FGF12: variants seen among roughly 807,000 people sequenced by gnomAD.
The protein encoded by FGF12 is fibroblast growth factor 12.
Under a neutral mutation model 23.6 loss-of-function variants are expected in FGF12, and 14 were observed. The ratio of observed to expected loss-of-function variants is 0.59; its 90% CI spans 0.39 to 0.93. FGF12 has a LOEUF of 0.93. Among genes scored for constraint, FGF12 ranks in the 40% least tolerant of loss-of-function variants. FGF12 has a pLI of 0.00. For synonymous variants in FGF12, 62 were observed against 77.3 expected (o/e 0.80, Z 1.04); for missense variants, 175 against 217.8 (o/e 0.80, Z 1.24).
At chr3:192,400,461 C>G (rs1246613198) in intron 2 of FGF12, among the ~76,000 whole-genome samples, 2 of 151,340 alleles carry the variant, frequency 1.3e-5, no homozygotes, top group Non-Finnish European at 2.9e-5. Flanking sequence ...TTCCGCCTCC[C>G]GGGTTCAAAT....
At chr3:192,727,434 C>A in intron 1 of FGF12, 50 bp downstream of exon 1, 1 of 1,099,872 alleles carries the variant, frequency 9.1e-7, no homozygotes, top group Non-Finnish European at 1.3e-6. Context: ...GCATCTGATA[C>A]TGAAATGCAT....
At chr3:192,278,236 A>G (rs1234378982) in intron 4 of FGF12, among the ~76,000 whole-genome samples, 2 of 152,238 alleles carry the variant, frequency 1.3e-5, no homozygotes, top group African/African-American at 2.4e-5. Flanking sequence ...GAACTCTAAA[A>G]TTTTATTCCA....
Position 192,360,465 on chromosome 3 carries a change from A to C in FGF12, c.87T>G (p.Gly29=). The C allele has an allele frequency of 6.2e-7, 1 of 1,613,790 alleles. No homozygotes were observed. Among genetic ancestry groups the C allele is most frequent in the Non-Finnish European group, 8.5e-7 (1 of 1,179,714 alleles). Residue 29 remains glycine (G), a synonymous_variant, in exon 3 of 6, where the codon GGT becomes GGG. Coordinates refer to ENST00000445105, the MANE Select transcript of FGF12 (RefSeq NM_004113.6). The surrounding 1 kb of genome is among the most constrained non-coding windows in gnomAD (Gnocchi z 4.3). ...TTTCGTCCTTGGTCCCATCAATGGT[A>C]CCATCTGGGTGCATCTGCAGGAAGT... The part of the protein sequence containing the change: ...QGYFLQMHPD[G]TIDGTKDENS...
At position 192,335,343 on chromosome 3, in the gene FGF12, A is replaced by T. The variant is rs757837414; in HGVS notation, c.228+18T>A. 1 of 1,520,776 alleles carries T rather than the reference A, an allele frequency of 6.6e-7. No individual in the cohort carries two copies. The highest frequency in any genetic ancestry group is 9.1e-7 in the Non-Finnish European group (1 of 1,095,528). The allele number at this position is 1,520,776 out of a possible 1,614,324, so 94.2% of individuals were successfully genotyped here. A position where few individuals can be genotyped will look rare whatever the true frequency, so the allele number is the denominator to read the frequency against. On this transcript the variant is annotated intron_variant, in intron 4 of 5. Transcript: ENST00000445105. ...AGTTCACACACATACACACAAATAC[A>T]CACTACAATGTACTTACTGAACTGT...
chr3:192,203,883 C>T (rs192945676), intron 4 of FGF12, among the ~76,000 whole-genome samples: 205 of 152,198 alleles, frequency 1.3e-3, no homozygotes, highest in African/African-American at 4.8e-3. Context: ...GAATTATAGG[C>T]ATGCATCACC....
intron 2 of FGF12, among the ~76,000 whole-genome samples, chr3:192,579,102 A>G (rs1380465436): frequency 6.6e-6 from 1 of 152,190 alleles, no homozygotes; most frequent in Non-Finnish European, 1.5e-5. Context: ...GTTCATCATT[A>G]AGGTTTTTCT....
At chr3:192,254,648 G>T (rs1315761034) in intron 4 of FGF12, among the ~76,000 whole-genome samples, 1 of 151,926 alleles carries the variant, frequency 6.6e-6, no homozygotes, top group African/African-American at 2.4e-5. Flanking sequence ...AAAAATATTT[G>T]ATTCTACAAC....
At position 192,368,251 on chromosome 3, in the gene FGF12, C is replaced by T. The variant is rs114233677; in HGVS notation, c.14-7713G>A. 6.8e-3 allele frequency among the ~76,000 whole-genome samples: 1,038 copies of T among 152,270 alleles called. 8 individuals are homozygous for T. The highest frequency in any genetic ancestry group is 0.024 in the African/African-American group (994 of 41,548). On this transcript the variant is annotated intron_variant, in intron 2 of 5. Coordinates refer to ENST00000445105, the MANE Select transcript of FGF12 (RefSeq NM_004113.6). The stretch of plus-strand genomic sequence containing the variant: ...AGATGTGAAGCTGGAAAGAGGTGAG[C>T]ACCATCAGCTCCAGCTCACCAATGA...
intron 2 of FGF12, among the ~76,000 whole-genome samples, chr3:192,361,971 A>T (rs975057268): frequency 1.3e-5 from 2 of 152,230 alleles, no homozygotes; most frequent in Non-Finnish European, 2.9e-5. Context: ...TATTATCTTT[A>T]TGAGTTAAAT....
intron 5 of FGF12, among the ~76,000 whole-genome samples, chr3:192,148,250 C>T (rs1173486484): frequency 6.6e-6 from 1 of 152,124 alleles, no homozygotes; most frequent in Non-Finnish European, 1.5e-5. Flanking sequence ...ATAATGTGGC[C>T]TATACATATA....
chr3:192,360,666 G>C lies in FGF12; in HGVS notation c.14-128C>G, dbSNP rs1027347257. On this transcript the variant is annotated intron_variant, in intron 2 of 5. Transcript: ENST00000445105. This position sits in a 1 kb window ranked among gnomAD's most constrained non-coding sequence, Gnocchi z 4.3. ...CTTAAATATTGAATTATGTATTTGG[G>C]AGTTGGGTGTTTCAGTAACATATCT... 1.5e-6 allele frequency: 1 copy of C among 667,542 alleles called. No individual in the cohort carries two copies. Among genetic ancestry groups the C allele is most frequent in the African/African-American group, 1.8e-5 (1 of 55,126 alleles). 41.4% of individuals were successfully genotyped at this position (667,542 alleles called of 1,614,324 possible).
chr3:192,480,029 G>C (rs1723437254), intron 2 of FGF12, among the ~76,000 whole-genome samples: 1 of 152,050 alleles, frequency 6.6e-6, no homozygotes, highest in African/African-American at 2.4e-5. Context: ...GGGGGGAAAT[G>C]CCATGCAGAT....
At chr3:192,230,749 T>C (rs1718976088) in intron 4 of FGF12, among the ~76,000 whole-genome samples, 1 of 152,136 alleles carries the variant, frequency 6.6e-6, no homozygotes, top group Admixed American at 6.5e-5. Flanking sequence ...TTTACTGTCA[T>C]AGGGTAACAG....
chr3:192,618,988 A>AT (rs1014137691), intron 2 of FGF12, among the ~76,000 whole-genome samples: 30 of 151,690 alleles, frequency 2.0e-4, no homozygotes, highest in Non-Finnish European at 3.4e-4. Flanking sequence ...GCCTATAAAA[A>AT]ATATATATAT....
chr3:192,195,201 C>T (rs1308696332), intron 4 of FGF12, among the ~76,000 whole-genome samples: 1 of 152,092 alleles, frequency 6.6e-6, no homozygotes, highest in African/African-American at 2.4e-5. Context: ...GTATCATTGG[C>T]CTTTTGTGTT....
intron 4 of FGF12, among the ~76,000 whole-genome samples, chr3:192,180,096 T>C (rs534181631): frequency 6.6e-6 from 1 of 151,748 alleles, no homozygotes; most frequent in South Asian, 2.1e-4. Flanking sequence ...GTCATCTATA[T>C]ATAGAGAACA....
chr3:192,588,934 G>T (rs1354057822), intron 2 of FGF12, among the ~76,000 whole-genome samples: 1 of 151,926 alleles, frequency 6.6e-6, no homozygotes, highest in African/African-American at 2.4e-5. Context: ...ACCACTTCTT[G>T]AGCTCCATAA....
chr3:192,155,150 C>A (rs575330173), intron 5 of FGF12, among the ~76,000 whole-genome samples: 7 of 152,146 alleles, frequency 4.6e-5, no homozygotes, highest in South Asian at 2.1e-4. Flanking sequence ...CCAGGTGAGG[C>A]AATGCCTCGC....
At position 192,564,298 on chromosome 3, in the gene FGF12, G is replaced by A. The variant is rs186466641; in HGVS notation, c.13+162883C>T. Reference sequence around the variant, plus strand: ...AGGCTGGTCTTGAACTCCTGACCTCGGGTGATCTGCCTGCCTCAGCTTCCC... The same window carrying A: ...AGGCTGGTCTTGAACTCCTGACCTCAGGTGATCTGCCTGCCTCAGCTTCCC... On this transcript the variant is annotated intron_variant, in intron 2 of 5. Coordinates refer to ENST00000445105, the MANE Select transcript of FGF12 (RefSeq NM_004113.6). Among the ~76,000 whole-genome samples the A allele has an allele frequency of 8.6e-5, 13 of 152,044 alleles. No homozygotes were observed. In the South Asian group the frequency reaches 1.5e-3, roughly 17 times the overall value.
Sources: gnomAD v4.1 joint callset for allele counts (sites outside exome capture counted in the v4.1 genomes callset) on GRCh38, gnomAD v4.1.1 for gene constraint, Gnocchi (gnomAD v3.1) non-coding constraint, MANE v1.5 for transcripts, NCBI Gene and HGNC (gene_info 2026-07-23, HGNC 2026-07-21) for gene names.